Variants in DCDC2 observed in about 807,000 individuals in gnomAD.
DCDC2 encodes doublecortin domain containing 2.
Under a neutral mutation model 50.2 loss-of-function variants are expected in DCDC2, and 40 were observed. The ratio of observed to expected loss-of-function variants is 0.80; its 90% CI spans 0.62 to 1.04. DCDC2 has a LOEUF of 1.04. Among genes scored for constraint, DCDC2 ranks in the 50% least tolerant of loss-of-function variants. DCDC2 has a pLI of 0.00. For missense variants in DCDC2, 570 were observed against 581.9 expected (o/e 0.98, Z 0.21); for synonymous variants, 234 against 210.6 (o/e 1.11, Z -0.96).
intron 7 of DCDC2, among the ~76,000 whole-genome samples, chr6:24,264,610 C>CA (rs1451419242): frequency 1.5e-4 from 22 of 146,394 alleles, no homozygotes; most frequent in Admixed American, 2.7e-4. Flanking sequence ...AACCTCAAGT[C>CA]AAAAAAAAAC....
chr6:24,375,365 A>G, the DCDC2 span, among the ~76,000 whole-genome samples: 1 of 151,990 alleles, frequency 6.6e-6, no homozygotes, highest in Non-Finnish European at 1.5e-5. Flanking sequence ...GATGGGCCCC[A>G]GTGTCACATC....
chr6:24,287,323 A>G (rs3789228), intron 6 of DCDC2, among the ~76,000 whole-genome samples: 79,676 of 151,722 alleles, frequency 0.53, 25,404 homozygotes, highest in East Asian at 0.78. Context: ...GCTCAGTAGG[A>G]GCCTTTGTTT....
chr6:24,311,573 T>G (rs1759570947), intron 2 of DCDC2, among the ~76,000 whole-genome samples: 1 of 152,222 alleles, frequency 6.6e-6, no homozygotes, highest in Non-Finnish European at 1.5e-5. Context: ...TCTAATAAAT[T>G]TACAGTTGTA....
intron 7 of DCDC2, among the ~76,000 whole-genome samples, chr6:24,233,388 T>C (rs1321228849): frequency 6.6e-6 from 1 of 152,244 alleles, no homozygotes; most frequent in African/African-American, 2.4e-5. Context: ...CCAACACTTA[T>C]CATCTGTACT....
At chr6:24,302,880 T>C (rs1759407890) in intron 2 of DCDC2, among the ~76,000 whole-genome samples, 1 of 151,692 alleles carries the variant, frequency 6.6e-6, no homozygotes, top group Non-Finnish European at 1.5e-5. Flanking sequence ...AAAATCCCAC[T>C]CCAGGCACAC....
chr6:24,290,977 T>C lies in DCDC2; in HGVS notation c.659A>G (p.Tyr220Cys). 1.2e-6 allele frequency: 2 copies of C among 1,614,036 alleles called. No homozygotes were observed. Among genetic ancestry groups the C allele is most frequent in the Non-Finnish European group, 1.7e-6 (2 of 1,179,942 alleles). ...VGRDKFKKLP[Y>C]SELLFDKSTM... ...TGACTTGTCAAAAAGTAACTCACTG[T>C]AAGGCAGTTTCTTAAACTTATCTCT... The change falls in exon 5 of 10, where the codon TAC becomes TGC. Residue 220 changes from tyrosine to cysteine, a missense_variant. Coordinates refer to ENST00000378454, the MANE Select transcript of DCDC2 (RefSeq NM_016356.5).
At chr6:24,270,230 T>C (rs1178697370) in intron 7 of DCDC2, among the ~76,000 whole-genome samples, 3 of 152,176 alleles carry the variant, frequency 2.0e-5, no homozygotes, top group Non-Finnish European at 2.9e-5. Context: ...TAACCATTGA[T>C]AGATCTTTGA....
At chr6:24,322,989 A>G (rs1255909198) in intron 2 of DCDC2, among the ~76,000 whole-genome samples, 1 of 152,224 alleles carries the variant, frequency 6.6e-6, no homozygotes, top group Non-Finnish European at 1.5e-5. Context: ...TCCAAAAATG[A>G]ATCATTTCAA....
intron 2 of DCDC2, among the ~76,000 whole-genome samples, chr6:24,311,379 C>T (rs1759568098): frequency 6.6e-6 from 1 of 152,138 alleles, no homozygotes; most frequent in South Asian, 2.1e-4. Flanking sequence ...TCTTAGTAAA[C>T]AGCCTTATCT....
At chr6:24,179,645 C>T (rs1761013276) in intron 8 of DCDC2, among the ~76,000 whole-genome samples, 2 of 145,786 alleles carry the variant, frequency 1.4e-5, no homozygotes, top group Admixed American at 1.4e-4. Flanking sequence ...TTTTGATACA[C>T]ATAAATCTGC....
At chr6:24,345,536 G>A (rs1367125618) in intron 2 of DCDC2, among the ~76,000 whole-genome samples, 1 of 152,048 alleles carries the variant, frequency 6.6e-6, no homozygotes. Context: ...GTTGATCCAC[G>A]TTCTCCCTGA....
chr6:24,357,413 C>T, intron 1 of DCDC2, 45 bp downstream of exon 1: 1 of 1,555,412 alleles, frequency 6.4e-7, no homozygotes. Context: ...CAACCCCACA[C>T]TATAGGGCAC....
Position 24,301,689 on chromosome 6 carries a change from C to T in DCDC2, c.557+26G>A, listed in dbSNP as rs1423554245. ...TATCTTCAACAATTCAAAAACTCCTCCACTTACAAGATTGTTTTGACATAC... is the reference window on the plus strand; with the variant it reads ...TATCTTCAACAATTCAAAAACTCCTTCACTTACAAGATTGTTTTGACATAC... On this transcript the variant is annotated intron_variant, in intron 4 of 9. Coordinates refer to ENST00000378454, the MANE Select transcript of DCDC2 (RefSeq NM_016356.5). The T allele has an allele frequency of 3.1e-6, 5 of 1,610,024 alleles. No individual in the cohort carries two copies. In the South Asian group the frequency reaches 5.5e-5, roughly 18 times the overall value.
intron 6 of DCDC2, among the ~76,000 whole-genome samples, chr6:24,280,654 A>G (rs1448523665): frequency 6.6e-6 from 1 of 152,166 alleles, no homozygotes; most frequent in South Asian, 2.1e-4. Flanking sequence ...CTCCTACCTC[A>G]GCCTCCCAAG....
intron 2 of DCDC2, among the ~76,000 whole-genome samples, chr6:24,316,263 T>C (rs793764): frequency 0.97 from 148,357 of 152,248 alleles, 72,405 homozygotes; most frequent in Middle Eastern, 1. Context: ...AATGAAAGTG[T>C]TCAGCAACGA....
chr6:24,364,043 C>T, the DCDC2 span, among the ~76,000 whole-genome samples: 4,649 of 152,154 alleles, frequency 0.031, 132 homozygotes, highest in African/African-American at 0.069. Flanking sequence ...CTTGTACCAT[C>T]GCTTCCTTTA....
At chr6:24,191,136 A>G (rs1204072956) in intron 8 of DCDC2, among the ~76,000 whole-genome samples, 2 of 152,164 alleles carry the variant, frequency 1.3e-5, no homozygotes, top group African/African-American at 2.4e-5. Flanking sequence ...TGTTTAGTAA[A>G]TGCATTTCAT....
chr6:24,360,418 G>A (rs138608862), upstream of DCDC2, among the ~76,000 whole-genome samples: 260 of 152,344 alleles, frequency 1.7e-3, no homozygotes, highest in Non-Finnish European at 3.2e-3. Context: ...CCTACCCTGT[G>A]CCAAGCTTTA....
intron 7 of DCDC2, among the ~76,000 whole-genome samples, chr6:24,221,954 G>A (rs1363780608): frequency 6.6e-6 from 1 of 152,186 alleles, no homozygotes; most frequent in Non-Finnish European, 1.5e-5. Context: ...ATAGGGGAAA[G>A]CTATGTTACT....
Sources: allele counts gnomAD v4.1 joint callset (sites outside exome capture counted in the v4.1 genomes callset), GRCh38; gene constraint gnomAD v4.1.1; transcripts MANE v1.5; gene names NCBI Gene and HGNC (gene_info 2026-07-23, HGNC 2026-07-21).